UNC13C: variants seen among roughly 807,000 people sequenced by gnomAD.
The protein encoded by UNC13C is protein unc-13 homolog C.
In UNC13C, 174 loss-of-function variants were observed where a neutral mutation model predicts 245.4. The ratio of observed to expected loss-of-function variants is 0.71; its 90% CI spans 0.63 to 0.80. UNC13C has a LOEUF of 0.80. Ranked by LOEUF, UNC13C falls within the 30% of genes least tolerant of loss-of-function variation. The probability of loss-of-function intolerance (pLI) is 0.00; values close to 1 mark genes in which losing one functional copy is unlikely to be tolerated. For synonymous variants in UNC13C, 992 were observed against 895.1 expected (o/e 1.11, Z -1.93); for missense variants, 2,829 against 2,602.9 (o/e 1.09, Z -1.89).
chr15:54,339,176 A>G (rs575462117), intron 17 of UNC13C, among the ~76,000 whole-genome samples: 2 of 152,302 alleles, frequency 1.3e-5, no homozygotes, highest in African/African-American at 4.8e-5. Flanking sequence ...CCTATATGTT[A>G]ATTTATTAAG....
chr15:54,431,245 A>G (rs2040865602), intron 19 of UNC13C, among the ~76,000 whole-genome samples: 1 of 151,772 alleles, frequency 6.6e-6, no homozygotes, highest in African/African-American at 2.4e-5. Flanking sequence ...TTTAAATATT[A>G]GATATTCTTA....
intron 1 of UNC13C, among the ~76,000 whole-genome samples, chr15:53,983,232 TA>T (rs1220285956): frequency 6.6e-6 from 1 of 152,084 alleles, no homozygotes; most frequent in Admixed American, 6.6e-5. Flanking sequence ...ACAATGCTTT[TA>T]AAAGTAAAGA....
intron 30 of UNC13C, among the ~76,000 whole-genome samples, chr15:54,612,656 G>A (rs1900178391): frequency 6.6e-6 from 1 of 151,902 alleles, no homozygotes; most frequent in Admixed American, 6.6e-5. Context: ...ATTTCGCACA[G>A]TCTTATTTTG....
At chr15:54,301,289 G>GTT (rs10548904) in intron 13 of UNC13C, among the ~76,000 whole-genome samples, 5 of 140,360 alleles carry the variant, frequency 3.6e-5, no homozygotes, top group Non-Finnish European at 1.6e-5. Context: ...ATTTTCTTTT[G>GTT]TTTTTTTTTT....
chr15:53,993,844 G>T (rs1317349077), intron 1 of UNC13C, among the ~76,000 whole-genome samples: 1 of 151,956 alleles, frequency 6.6e-6, no homozygotes, highest in Non-Finnish European at 1.5e-5. Context: ...CCTCAATAAT[G>T]GTCTAGGCTA....
At chr15:54,427,379 CT>C (rs2040780379) in intron 19 of UNC13C, among the ~76,000 whole-genome samples, 1 of 151,736 alleles carries the variant, frequency 6.6e-6, no homozygotes, top group South Asian at 2.1e-4. Flanking sequence ...TAAGAAGTGC[CT>C]TTCTCTTCCC....
At chr15:54,623,547 A>T (rs1900934818) in intron 31 of UNC13C, among the ~76,000 whole-genome samples, 1 of 152,160 alleles carries the variant, frequency 6.6e-6, no homozygotes, top group Non-Finnish European at 1.5e-5. Context: ...CTAACTTTTC[A>T]TTAGTAACAG....
intron 1 of UNC13C, among the ~76,000 whole-genome samples, chr15:54,002,069 G>A (rs901731447): frequency 1.3e-5 from 2 of 152,170 alleles, no homozygotes; most frequent in Non-Finnish European, 2.9e-5. Context: ...GGTGGATCAC[G>A]AAGTCAGGAG....
chr15:54,318,044 T>C (rs1161530511), intron 13 of UNC13C, among the ~76,000 whole-genome samples: 1 of 151,976 alleles, frequency 6.6e-6, no homozygotes, highest in Non-Finnish European at 1.5e-5. Flanking sequence ...TTCATCCATG[T>C]TGTTGCAAAT....
chr15:54,564,052 A>G (rs192343166), intron 29 of UNC13C, among the ~76,000 whole-genome samples: 1 of 152,000 alleles, frequency 6.6e-6, no homozygotes, highest in African/African-American at 2.4e-5. Flanking sequence ...TAACCATAGA[A>G]ATCACCTTCT....
In UNC13C at chr15:54,546,867, A is replaced by G. The variant is rs774674912; in HGVS notation, c.5820+22A>G. 2.0e-5 allele frequency: 31 copies of G among 1,556,462 alleles called. No homozygotes were observed. In the South Asian group the frequency reaches 3.8e-4, roughly 19 times the overall value. On this transcript the variant is annotated intron_variant, in intron 27 of 32. Coordinates refer to ENST00000260323, the MANE Select transcript of UNC13C (RefSeq NM_001080534.3). ...AACAGTAAGTATATAAAGTTTAGTT[A>G]TGCTTTCATTAACCCATCTGTTTTT...
At chr15:54,256,038 G>GT (rs1452258009) in intron 8 of UNC13C, among the ~76,000 whole-genome samples, 1 of 152,124 alleles carries the variant, frequency 6.6e-6, no homozygotes, top group African/African-American at 2.4e-5. Context: ...ATCAATGCAT[G>GT]TTTTTTCATA....
chr15:53,931,916 G>A, the UNC13C span, among the ~76,000 whole-genome samples: 1 of 152,154 alleles, frequency 6.6e-6, no homozygotes, highest in Non-Finnish European at 1.5e-5. Context: ...TAAGCTGATT[G>A]TTTAACATCT....
chr15:54,031,620 G>A (rs1158282694), intron 2 of UNC13C, among the ~76,000 whole-genome samples: 1 of 152,232 alleles, frequency 6.6e-6, no homozygotes, highest in African/African-American at 2.4e-5. Context: ...CAGAGCATTA[G>A]TTGTACCAAA....
At chr15:54,559,377 T>A (rs567121118) in intron 29 of UNC13C, among the ~76,000 whole-genome samples, 1 of 152,048 alleles carries the variant, frequency 6.6e-6, no homozygotes, top group Non-Finnish European at 1.5e-5. Flanking sequence ...CATGGGGTGA[T>A]TCCAAGGGCT....
intron 8 of UNC13C, among the ~76,000 whole-genome samples, chr15:54,263,109 G>GA (rs1252165610): frequency 1.8e-4 from 27 of 152,040 alleles, no homozygotes; most frequent in Middle Eastern, 6.8e-3. Context: ...TAATAGTTCA[G>GA]AAAAAAATGA....
At chr15:53,971,183 A>G in the UNC13C span, among the ~76,000 whole-genome samples, 12 of 152,310 alleles carry the variant, frequency 7.9e-5, no homozygotes, top group African/African-American at 2.9e-4. Context: ...CAAGTTGGCA[A>G]ACCACACAAT....
chr15:54,511,142 A>T (rs868394389), intron 23 of UNC13C, among the ~76,000 whole-genome samples: 4 of 152,262 alleles, frequency 2.6e-5, no homozygotes, highest in Middle Eastern at 3.4e-3. Flanking sequence ...AATGTAAAGC[A>T]ATGTAAAACA....
chr15:53,931,161 A>T, the UNC13C span, among the ~76,000 whole-genome samples: 14 of 151,694 alleles, frequency 9.2e-5, no homozygotes, highest in African/African-American at 2.9e-4. Context: ...ATTTATTTTT[A>T]TTTATTTATG....
Sources: allele counts gnomAD v4.1 joint callset (sites outside exome capture counted in the v4.1 genomes callset), GRCh38; gene constraint gnomAD v4.1.1; transcripts MANE v1.5; gene names NCBI Gene and HGNC (gene_info 2026-07-23, HGNC 2026-07-21).